OPCML: variants seen among roughly 807,000 people sequenced by gnomAD.
The protein encoded by OPCML is opioid-binding protein/cell adhesion molecule.
In OPCML, 13 loss-of-function variants were observed where a neutral mutation model predicts 37.8. That is an observed-to-expected ratio of 0.34 (90% confidence interval 0.22 to 0.55). The LOEUF (loss-of-function observed/expected upper bound fraction) is 0.55. OPCML is among the 20% of genes least tolerant of loss of function. The pLI is 0.91. For missense variants in OPCML, 341 were observed against 435.6 expected (o/e 0.78, Z 1.93); for synonymous variants, 176 against 168.8 (o/e 1.04, Z -0.33).
chr11:133,380,811 C>T (rs1398014559), intron 1 of OPCML, among the ~76,000 whole-genome samples: 3 of 152,006 alleles, frequency 2.0e-5, no homozygotes, highest in African/African-American at 7.2e-5. Flanking sequence ...TGTAGGTGTG[C>T]TTTCTATATT....
intron 1 of OPCML, among the ~76,000 whole-genome samples, chr11:133,110,972 A>G (rs1481041608): frequency 6.6e-6 from 1 of 152,158 alleles, no homozygotes; most frequent in Non-Finnish European, 1.5e-5. Flanking sequence ...GTAAGGTGGG[A>G]ATGATAATAA....
intron 1 of OPCML, chr11:133,422,546 G>A (rs1945913917): frequency 1.0e-6 from 1 of 964,682 alleles, no homozygotes; most frequent in Non-Finnish European, 1.2e-6. Context: ...TACCGCCCAG[G>A]CTGGAGTGCA....
At chr11:132,968,849 C>T (rs1053199560) in intron 1 of OPCML, among the ~76,000 whole-genome samples, 1 of 152,142 alleles carries the variant, frequency 6.6e-6, no homozygotes, top group Non-Finnish European at 1.5e-5. Flanking sequence ...TCCTCCTTCC[C>T]TATTAATATG....
intron 1 of OPCML, among the ~76,000 whole-genome samples, chr11:133,509,265 C>A (rs941098785): frequency 6.6e-5 from 10 of 152,164 alleles, no homozygotes; most frequent in Non-Finnish European, 1.3e-4. Context: ...GTTCGCCTCC[C>A]TGTGTCCATA....
chr11:133,064,312 T>C (rs1948402553), intron 1 of OPCML, among the ~76,000 whole-genome samples: 1 of 152,226 alleles, frequency 6.6e-6, no homozygotes, highest in Non-Finnish European at 1.5e-5. Flanking sequence ...CTCCCCTCGC[T>C]GGGCAGCCCC....
chr11:132,810,074 G>A (rs529869396), intron 2 of OPCML, among the ~76,000 whole-genome samples: 1 of 151,910 alleles, frequency 6.6e-6, no homozygotes, highest in Non-Finnish European at 1.5e-5. Flanking sequence ...TGGACTCGAA[G>A]TCCTAACCTC....
chr11:132,931,874 C>T (rs1945214852), intron 2 of OPCML, among the ~76,000 whole-genome samples: 1 of 152,158 alleles, frequency 6.6e-6, no homozygotes, highest in South Asian at 2.1e-4. Context: ...GCAATCCAAG[C>T]ATCAATCAAA....
In OPCML at chr11:132,845,881, G is replaced by C. The variant is rs143164909; in HGVS notation, c.146+97045C>G. 4.0e-4 allele frequency among the ~76,000 whole-genome samples: 61 copies of C among 152,070 alleles called. No homozygotes were observed. The East Asian group carries it at 0.011, about 27-fold the overall frequency. On this transcript the variant is annotated intron_variant, in intron 2 of 7. Coordinates refer to ENST00000524381, the MANE Select transcript of OPCML (RefSeq NM_001012393.5). ...CATTCCCTGCTCAGTCTTCCATGTG[G>C]CGAAAGGCCCATCCTGATGCCTGGC...
rs199851514 is a variant in OPCML at position 132,787,561 on chromosome 11, T to TA, written c.147-130243dup. Reference sequence around the variant, plus strand: ...TTGTGAGGATCAGGTCTGCTGATGTTAAAAAAAAAAGAGTACTTTGAATAT... The same window carrying TA: ...TTGTGAGGATCAGGTCTGCTGATGTTAAAAAAAAAAAGAGTACTTTGAATAT... On this transcript the variant is annotated intron_variant, in intron 2 of 7. Transcript: ENST00000524381. Among the ~76,000 whole-genome samples the TA allele has an allele frequency of 3.1e-3, 456 of 148,640 alleles. 4 individuals carry two copies. The highest frequency in any genetic ancestry group is 9.4e-3 in the African/African-American group (381 of 40,624).
chr11:132,650,861 T>A (rs1246771083), intron 3 of OPCML, among the ~76,000 whole-genome samples: 2 of 152,186 alleles, frequency 1.3e-5, no homozygotes, highest in Non-Finnish European at 2.9e-5. Context: ...TTGAATACAT[T>A]AAATTTATTT....
intron 1 of OPCML, among the ~76,000 whole-genome samples, chr11:133,268,501 T>A (rs1941724667): frequency 6.6e-6 from 1 of 152,210 alleles, no homozygotes; most frequent in East Asian, 1.9e-4. Context: ...TGTGAGCTGA[T>A]AATAAAATGT....
chr11:133,147,504 G>A (rs1477482410), intron 1 of OPCML, among the ~76,000 whole-genome samples: 3 of 152,100 alleles, frequency 2.0e-5, no homozygotes, highest in Admixed American at 2.0e-4. Flanking sequence ...CAATTTCGAT[G>A]GTAAGCAGCA....
intron 1 of OPCML, among the ~76,000 whole-genome samples, chr11:132,979,838 A>T (rs939729512): frequency 3.9e-5 from 6 of 152,146 alleles, no homozygotes; most frequent in African/African-American, 1.4e-4. Flanking sequence ...GAAGGAAGGG[A>T]TGCTGATGGA....
chr11:133,275,649 T>A (rs1298742745), intron 1 of OPCML, among the ~76,000 whole-genome samples: 2 of 152,202 alleles, frequency 1.3e-5, no homozygotes, highest in Non-Finnish European at 2.9e-5. Flanking sequence ...GAGATTAATA[T>A]GCCACAGTTG....
intron 2 of OPCML, among the ~76,000 whole-genome samples, chr11:132,876,393 G>A (rs970754540): frequency 2.6e-5 from 4 of 152,056 alleles, no homozygotes; most frequent in Admixed American, 6.6e-5. Flanking sequence ...TCTCCTTAAC[G>A]CTGTCAGTCA....
At chr11:133,247,540 T>TTTTCTTTCTTTCTTTCTGTCTTTCTTTC (rs1940973158) in intron 1 of OPCML, among the ~76,000 whole-genome samples, 2 of 122,408 alleles carry the variant, frequency 1.6e-5, no homozygotes, top group Non-Finnish European at 3.2e-5. Context: ...CTTTCCTTCT[T>TTTTCTTTCTTTCTTTCTGTCTTTCTTTC]TTTCTTTCTT....
intron 1 of OPCML, among the ~76,000 whole-genome samples, chr11:133,260,015 C>A (rs1172911895): frequency 6.6e-6 from 1 of 151,852 alleles, no homozygotes; most frequent in African/African-American, 2.4e-5. Context: ...GCATCGGTAA[C>A]AAACCAAGAA....
chr11:133,351,105 A>G (rs549410615), intron 1 of OPCML, among the ~76,000 whole-genome samples: 2 of 152,240 alleles, frequency 1.3e-5, no homozygotes, highest in Non-Finnish European at 2.9e-5. Context: ...GTTACAAAGC[A>G]GGACCACAAA....
chr11:133,024,532 A>T (rs1296896641), intron 1 of OPCML: 1 of 985,290 alleles, frequency 1.0e-6, no homozygotes, highest in African/African-American at 1.7e-5. Context: ...GCCTGCTGTA[A>T]TATACCCTTT....
Sources: allele counts gnomAD v4.1 joint callset (sites outside exome capture counted in the v4.1 genomes callset), GRCh38; gene constraint gnomAD v4.1.1; transcripts MANE v1.5; gene names NCBI Gene and HGNC (gene_info 2026-07-23, HGNC 2026-07-21).